ZBTB7C: variants seen among roughly 807,000 people sequenced by gnomAD.
The protein encoded by ZBTB7C is zinc finger and BTB domain containing 7C.
Under a neutral mutation model 25.7 loss-of-function variants are expected in ZBTB7C, and 8 were observed. The observed-to-expected ratio is 0.31, with a 90% CI of 0.18 to 0.56. ZBTB7C has a LOEUF of 0.56. Among genes scored for constraint, ZBTB7C ranks in the 20% least tolerant of loss-of-function variants. ZBTB7C has a pLI of 0.91. For synonymous variants in ZBTB7C, 394 were observed against 369.0 expected (o/e 1.07, Z -0.78); for missense variants, 824 against 855.2 (o/e 0.96, Z 0.46).
At chr18:48,266,043 G>C (rs549014798) in intron 2 of ZBTB7C, among the ~76,000 whole-genome samples, 1 of 152,198 alleles carries the variant, frequency 6.6e-6, no homozygotes, top group African/African-American at 2.4e-5. Context: ...ATGATGGAGC[G>C]TCAGTTTGGC....
chr18:48,356,824 T>A (rs2046987297), intron 1 of ZBTB7C, among the ~76,000 whole-genome samples: 1 of 152,214 alleles, frequency 6.6e-6, no homozygotes, highest in Admixed American at 6.5e-5. Flanking sequence ...GTGACTGGCA[T>A]TCCCTGACCA....
chr18:48,365,762 T>C (rs1359997639), intron 1 of ZBTB7C, among the ~76,000 whole-genome samples: 1 of 151,998 alleles, frequency 6.6e-6, no homozygotes, highest in Admixed American at 6.6e-5. Flanking sequence ...TTTGTGGCAA[T>C]TCGTTAGGCA....
chr18:48,095,615 G>A (rs1174274364), intron 3 of ZBTB7C, among the ~76,000 whole-genome samples: 3 of 152,088 alleles, frequency 2.0e-5, no homozygotes, highest in Non-Finnish European at 4.4e-5. Context: ...CAGAGGCTGA[G>A]GCAGGAGAAT....
At chr18:48,204,294 C>T (rs2042527894) in intron 2 of ZBTB7C, among the ~76,000 whole-genome samples, 1 of 152,168 alleles carries the variant, frequency 6.6e-6, no homozygotes, top group Non-Finnish European at 1.5e-5. Context: ...CTCACTCCAG[C>T]CTCCCTTGTG....
intron 3 of ZBTB7C, among the ~76,000 whole-genome samples, chr18:48,060,697 C>T (rs980645576): frequency 4.6e-5 from 7 of 152,200 alleles, no homozygotes; most frequent in African/African-American, 1.2e-4. Context: ...AGGAAACCTT[C>T]CTGAATTAGG....
chr18:48,065,297 G>A (rs1465146896), intron 3 of ZBTB7C, among the ~76,000 whole-genome samples: 2 of 152,150 alleles, frequency 1.3e-5, no homozygotes, highest in African/African-American at 4.8e-5. Context: ...GAATACCAGA[G>A]CCTTGCTGGA....
At chr18:48,265,664 CAA>C (rs1433057498) in intron 2 of ZBTB7C, among the ~76,000 whole-genome samples, 1 of 152,202 alleles carries the variant, frequency 6.6e-6, no homozygotes, top group Non-Finnish European at 1.5e-5. Context: ...GGCATCCTGT[CAA>C]AGAGAGGCAT....
At chr18:48,035,161 C>T (rs1038312429) in intron 4 of ZBTB7C, among the ~76,000 whole-genome samples, 2 of 152,252 alleles carry the variant, frequency 1.3e-5, no homozygotes, top group Admixed American at 6.5e-5. Flanking sequence ...AGGTGGTCAG[C>T]ATTCGGCTGG....
chr18:48,121,563 C>T (rs1454040800), intron 3 of ZBTB7C, among the ~76,000 whole-genome samples: 1 of 152,178 alleles, frequency 6.6e-6, no homozygotes. Context: ...TTGGTACATA[C>T]CTGCAGTAAC....
At position 48,040,507 on chromosome 18, in the gene ZBTB7C, A is replaced by C. The variant is rs750150146; in HGVS notation, c.601T>G (p.Ser201Ala). The change falls in exon 4 of 5, where the codon TCA becomes GCA. Residue 201 changes from serine (S) to alanine (A), a missense_variant. Coordinates refer to ENST00000590800, the MANE Select transcript of ZBTB7C (RefSeq NM_001318841.2). Reference sequence around the variant, plus strand: ...TCAGGGAAGTCCCTGGGGGTGTCTGAATAGGCCTTCTCTGTGAGATGGTCT... The same window carrying C: ...TCAGGGAAGTCCCTGGGGGTGTCTGCATAGGCCTTCTCTGTGAGATGGTCT... ...KTDHLTEKAY[S>A]DTPRDFPDSF... 1.7e-5 allele frequency: 28 copies of C among 1,613,632 alleles called. No individual in the cohort carries two copies. Among genetic ancestry groups the C allele is most frequent in the Middle Eastern group, 1.7e-4 (1 of 6,054 alleles).
chr18:48,403,632 T>G (rs1010428981), intron 1 of ZBTB7C, among the ~76,000 whole-genome samples: 1 of 152,170 alleles, frequency 6.6e-6, no homozygotes, highest in Non-Finnish European at 1.5e-5. Flanking sequence ...GTGCCTGTTC[T>G]CAGGGAGCTT....
At chr18:48,229,394 A>G (rs2043191475) in intron 2 of ZBTB7C, among the ~76,000 whole-genome samples, 1 of 152,222 alleles carries the variant, frequency 6.6e-6, no homozygotes, top group African/African-American at 2.4e-5. Flanking sequence ...CCCTTTAAAA[A>G]AAATGTGTGG....
rs1045557171 is a variant in ZBTB7C, at chr18:48,186,160, C to T, written c.-78-165G>A. 4.6e-5 allele frequency among the ~76,000 whole-genome samples: 7 copies of T among 152,342 alleles called. No homozygotes were observed. The East Asian group carries it at 5.8e-4, about 13-fold the overall frequency. On this transcript the variant is annotated intron_variant, in intron 2 of 4. Coordinates refer to ENST00000590800, the MANE Select transcript of ZBTB7C (RefSeq NM_001318841.2). ...GCATGCTAGTTGGGTGGGTGCCCCT[C>T]GCTCCTCGCAGGATTCCACCCCTCC...
At position 48,099,184 on chromosome 18, in the gene ZBTB7C, A is replaced by G. The variant is rs1324123187; in HGVS notation, c.-16-58061T>C. On this transcript the variant is annotated intron_variant, in intron 3 of 4. Coordinates refer to ENST00000590800, the MANE Select transcript of ZBTB7C (RefSeq NM_001318841.2). ...TCTGCAAAGAACTGTTGCCAGGAAT[A>G]AGTGAGTGCCTATAAAGTGCTTTAT... Among the ~76,000 whole-genome samples the G allele has an allele frequency of 2.0e-5, 3 of 152,240 alleles. No homozygotes were observed. In the East Asian group the frequency reaches 5.8e-4, roughly 29 times the overall value.
intron 3 of ZBTB7C, among the ~76,000 whole-genome samples, chr18:48,153,687 G>A (rs1362496191): frequency 6.6e-6 from 1 of 152,224 alleles, no homozygotes; most frequent in African/African-American, 2.4e-5. Flanking sequence ...CTGGCCATAG[G>A]ACTGTGAATT....
intron 2 of ZBTB7C, among the ~76,000 whole-genome samples, chr18:48,337,360 C>T (rs974964539): frequency 1.5e-4 from 23 of 152,348 alleles, no homozygotes; most frequent in African/African-American, 5.5e-4. Flanking sequence ...ATGACGCACA[C>T]AGCAAAGACC....
intron 3 of ZBTB7C, among the ~76,000 whole-genome samples, chr18:48,133,512 T>A (rs2040050953): frequency 6.6e-6 from 1 of 152,122 alleles, no homozygotes; most frequent in Non-Finnish European, 1.5e-5. Context: ...TCATGATACC[T>A]CAGGGTCTAT....
intron 3 of ZBTB7C, chr18:48,180,223 TTTCCTTCCCTCC>T: frequency 3.1e-6 from 1 of 327,576 alleles, no homozygotes; most frequent in Non-Finnish European, 6.3e-6. Flanking sequence ...CCTTCCTTCC[TTTCCTTCCCTCC>T]TTCCTTCCTT....
intron 3 of ZBTB7C, among the ~76,000 whole-genome samples, chr18:48,052,609 G>A (rs1483124032): frequency 6.6e-6 from 1 of 152,192 alleles, no homozygotes; most frequent in Non-Finnish European, 1.5e-5. Context: ...CATAGTTGGA[G>A]CAGAGAAAGG....
Sources: allele counts gnomAD v4.1 joint callset (sites outside exome capture counted in the v4.1 genomes callset), GRCh38; gene constraint gnomAD v4.1.1; transcripts MANE v1.5; gene names NCBI Gene and HGNC (gene_info 2026-07-23, HGNC 2026-07-21).